The following GPR35 variants were observed in gnomAD, a reference collection of about 807,000 sequenced individuals.
GPR35 encodes G protein-coupled receptor 35, also known as KYNA receptor.
For missense variants in GPR35, 372 were observed against 422.5 expected, an observed-to-expected ratio of 0.88 and a Z score of 1.05; for synonymous variants, 207 against 198.4, an observed-to-expected ratio of 1.04 and a Z score of -0.36.
chr2:240,627,627 TC>T (rs1294267952), intron 1 of GPR35: 19 of 123,484 alleles, frequency 1.5e-4, no homozygotes, highest in Non-Finnish European at 3.0e-4. Flanking sequence ...TAATTTTCTG[TC>T]TTTTTTTTTT....
At position 240,616,382 on chromosome 2, in the gene GPR35, T is replaced by C. The variant is rs112146642; in HGVS notation, c.-576-6T>C. 243 of 771,256 alleles carry C rather than the reference T, an allele frequency of 3.2e-4. 2 individuals are homozygous for C. The African/African-American group carries it at 3.6e-3, about 11-fold the overall frequency. The allele number at this position is 771,256 out of a possible 1,614,324, so 47.8% of individuals were successfully genotyped here. ...TTCCTCCTCCGTCTCTCTATTCCCC[T>C]CCTAGGTCTCTTGCCCTGTGCAGCT... is the stretch of plus-strand genomic sequence containing the variant. On this transcript the variant is annotated splice_region_variant and splice_polypyrimidine_tract_variant and intron_variant, in intron 2 of 5. Transcript: ENST00000319838.
chr2:240,616,414 AGACTG>A lies in GPR35; in HGVS notation c.-545_-541del, dbSNP rs772972273. On this transcript the variant is annotated 5_prime_UTR_variant, in exon 3 of 6. Transcript: ENST00000319838. ...TCTCTTGCCCTGTGCAGCTTCCTGCAGACTGGACTTGCAAAGTCCAGCCTGTATGG... is the reference window on the plus strand; with the variant it reads ...TCTCTTGCCCTGTGCAGCTTCCTGCAGACTTGCAAAGTCCAGCCTGTATGG... 5 of 780,240 alleles carry A rather than the reference AGACTG, an allele frequency of 6.4e-6. No homozygotes were observed. The Admixed American group carries it at 8.5e-5, about 13-fold the overall frequency. 48.3% of individuals were successfully genotyped at this position (780,240 alleles called of 1,614,324 possible). A position where few individuals can be genotyped will look rare whatever the true frequency, so the allele number is the denominator to read the frequency against.
At chr2:240,622,080 A>G (rs1419891641), upstream of GPR35, among the ~76,000 whole-genome samples, 2 of 151,016 alleles carry the variant, frequency 1.3e-5, no homozygotes, top group Non-Finnish European at 1.5e-5. Context: ...GGGTCTTGCT[A>G]TGTTGCCCAG....
intron 2 of GPR35, among the ~76,000 whole-genome samples, chr2:240,613,456 C>T (rs1427963865): frequency 6.6e-6 from 1 of 152,046 alleles, no homozygotes; most frequent in African/African-American, 2.4e-5. Context: ...ATGTGGACCC[C>T]AACCCTAATG....
upstream of GPR35, among the ~76,000 whole-genome samples, chr2:240,623,378 C>T (rs1409794564): frequency 2.7e-5 from 3 of 111,740 alleles, no homozygotes; most frequent in South Asian, 1.0e-3. Flanking sequence ...GCAAACAGGT[C>T]GTGAGGGCGC....
intron 2 of GPR35, among the ~76,000 whole-genome samples, chr2:240,612,383 C>T (rs1187095016): frequency 9.7e-5 from 14 of 143,624 alleles, no homozygotes; most frequent in African/African-American, 3.2e-4. Context: ...GTGGAGATCA[C>T]GCCACTGCAC....
intron 1 of GPR35, among the ~76,000 whole-genome samples, chr2:240,606,212 G>A (rs2043133159): frequency 6.6e-6 from 1 of 152,192 alleles, no homozygotes; most frequent in Non-Finnish European, 1.5e-5. Context: ...GGTTTAGTCG[G>A]GCATATGCAG....
chr2:240,606,492 C>T (rs1326897453), exon 2 of GPR35: 1 of 152,256 alleles, frequency 6.6e-6, no homozygotes, highest in African/African-American at 2.4e-5. Flanking sequence ...ATCCTGAGGC[C>T]TCCTAAGCAC....
upstream of GPR35, among the ~76,000 whole-genome samples, chr2:240,623,862 G>T (rs2043336904): frequency 6.6e-6 from 1 of 152,202 alleles, no homozygotes; most frequent in Non-Finnish European, 1.5e-5. Context: ...TGCCCAGTGG[G>T]GCTTCCCTTC....
chr2:240,607,683 G>C (rs1407179331), intron 2 of GPR35, among the ~76,000 whole-genome samples: 1 of 152,070 alleles, frequency 6.6e-6, no homozygotes, highest in African/African-American at 2.4e-5. Context: ...CTTGTATCCT[G>C]TAACCTTGAT....
At chr2:240,621,799 C>T (rs962544186), upstream of GPR35, among the ~76,000 whole-genome samples, 3 of 152,230 alleles carry the variant, frequency 2.0e-5, no homozygotes, top group African/African-American at 4.8e-5. Context: ...CCAGCTTTAA[C>T]TTTTTCTCAT....
intron 2 of GPR35, among the ~76,000 whole-genome samples, chr2:240,612,535 A>T (rs1559433225): frequency 6.6e-6 from 1 of 151,714 alleles, no homozygotes; most frequent in South Asian, 2.1e-4. Flanking sequence ...CTCTAGGGAC[A>T]TGGGAGTCCA....
intron 1 of GPR35, chr2:240,628,658 C>T (rs1559439707): frequency 6.6e-6 from 1 of 152,268 alleles, no homozygotes; most frequent in Non-Finnish European, 1.5e-5. Context: ...CTCTCCCCTC[C>T]TGATTTGGGG....
chr2:240,616,364 T>A, intron 2 of GPR35: 1 of 750,176 alleles, frequency 1.3e-6, no homozygotes, highest in Non-Finnish European at 2.5e-6. Flanking sequence ...AGCTTCCTCC[T>A]CCGTCTCTCT....
chr2:240,630,912 T>A lies in GPR35; in HGVS notation c.*30T>A. On this transcript the variant is annotated 3_prime_UTR_variant, in exon 2 of 2. Transcript: ENST00000407714. ...CGTGCTGTGGGCGCTGTGGGCCAGG[T>A]CTCGGGGGCTCCGGGAGGTGCTGCC... is the stretch of plus-strand genomic sequence containing the variant. The A allele has an allele frequency of 6.4e-7, 1 of 1,568,194 alleles. No individual in the cohort carries two copies. The highest frequency in any genetic ancestry group is 8.7e-7 in the Non-Finnish European group (1 of 1,150,384).
intron 1 of GPR35, chr2:240,629,502 T>G (rs1339956146): frequency 6.3e-6 from 1 of 159,174 alleles, no homozygotes; most frequent in African/African-American, 2.4e-5. Context: ...CTGGGCTTTG[T>G]CCGGGAGCCT....
chr2:240,622,559 A>G (rs1318645900), upstream of GPR35, among the ~76,000 whole-genome samples: 1 of 152,224 alleles, frequency 6.6e-6, no homozygotes, highest in Non-Finnish European at 1.5e-5. Flanking sequence ...AAATCTCATA[A>G]TGTTTTAAGA....
At chr2:240,616,254 C>T (rs2043235635) in intron 2 of GPR35, 7 of 630,684 alleles carry the variant, frequency 1.1e-5, no homozygotes, top group Non-Finnish European at 2.0e-5. Context: ...GGTGACCTTC[C>T]ATTGGGCTCG....
At chr2:240,616,716 TACTC>T (rs1559434789) in intron 3 of GPR35, among the ~76,000 whole-genome samples, 1 of 138,302 alleles carries the variant, frequency 7.2e-6, no homozygotes, top group African/African-American at 2.8e-5. Context: ...TGGCTGGACT[TACTC>T]ACTTATAACA....
Sources: gnomAD v4.1 joint callset for allele counts (sites outside exome capture counted in the v4.1 genomes callset) on GRCh38, gnomAD v4.1.1 for gene constraint, MANE v1.5 for transcripts, NCBI Gene and HGNC (gene_info 2026-07-23, HGNC 2026-07-21) for gene names.